KDM4A: variants seen among roughly 807,000 people sequenced by gnomAD.
KDM4A encodes the protein lysine demethylase 4A.
In KDM4A, 23 loss-of-function variants were observed where a neutral mutation model predicts 127.1. The ratio of observed to expected loss-of-function variants is 0.18; its 90% CI spans 0.13 to 0.26. The LOEUF is 0.26. KDM4A is among the 10% of genes least tolerant of loss of function. The pLI is 1.00. For missense variants in KDM4A, 890 were observed against 1,329.1 expected (o/e 0.67, Z 5.14); for synonymous variants, 443 against 466.5 (o/e 0.95, Z 0.65).
Position 43,662,775 on chromosome 1 carries a change from C to T in KDM4A, c.430-119C>T, listed in dbSNP as rs140746519. On this transcript the variant is annotated intron_variant, in intron 4 of 21. Coordinates refer to ENST00000372396, the MANE Select transcript of KDM4A (RefSeq NM_014663.3). ...GGTCTTCACGTCCATAGTGTTTTGA[C>T]ATTATTCCCAATGTTTGTCAGAGAT... is the stretch of plus-strand genomic sequence containing the variant. 102 of 829,172 alleles carry T rather than the reference C, an allele frequency of 1.2e-4. 1 individual carries two copies. The East Asian group carries it at 2.5e-3, about 21-fold the overall frequency. 51.4% of individuals were successfully genotyped at this position (829,172 alleles called of 1,614,324 possible).
rs2154048802 is a variant in KDM4A, at chr1:43,694,188, T to C, written c.2484+86T>C. 2 of 1,071,280 alleles carry C rather than the reference T, an allele frequency of 1.9e-6. No individual in the cohort carries two copies. The highest frequency in any genetic ancestry group is 2.2e-5 in the Admixed American group (1 of 45,064). 66.4% of individuals were successfully genotyped at this position (1,071,280 alleles called of 1,614,324 possible). On this transcript the variant is annotated intron_variant, in intron 17 of 21. Coordinates refer to ENST00000372396, the MANE Select transcript of KDM4A (RefSeq NM_014663.3). The surrounding 1 kb of genome is among the most constrained non-coding windows in gnomAD (Gnocchi z 5.2). ...AGGGACCTCCTGTACCCCTTGGTTT[T>C]GGTTAGAGTTTGTGATTCTCACTCT...
chr1:43,675,525 C>G (rs756518873), intron 11 of KDM4A, among the ~76,000 whole-genome samples: 2 of 152,172 alleles, frequency 1.3e-5, no homozygotes, highest in African/African-American at 2.4e-5. Context: ...GTTCTAAATG[C>G]TCATGATAAC....
chr1:43,692,410 G>A, intron 16 of KDM4A, 99 bp downstream of exon 16: 1 of 1,042,840 alleles, frequency 9.6e-7, no homozygotes, highest in Middle Eastern at 3.0e-4. Flanking sequence ...TGACTGATGA[G>A]GATTTGGGAA....
At chr1:43,685,764 TCAACAA>T (rs150623615) in intron 12 of KDM4A, among the ~76,000 whole-genome samples, 1 of 151,116 alleles carries the variant, frequency 6.6e-6, no homozygotes, top group South Asian at 2.1e-4. Flanking sequence ...AGTCTCTGTC[TCAACAA>T]CAACAACAAC....
At chr1:43,663,151 C>T (rs957365172) in intron 5 of KDM4A, 64 bp downstream of exon 5, 84 of 1,424,502 alleles carry the variant, frequency 5.9e-5, no homozygotes, top group African/African-American at 3.4e-4. Flanking sequence ...GTTCATTGTG[C>T]GTGGGAAGCA....
At chr1:43,685,126 C>T (rs1660942415) in intron 12 of KDM4A, among the ~76,000 whole-genome samples, 1 of 151,916 alleles carries the variant, frequency 6.6e-6, no homozygotes, top group African/African-American at 2.4e-5. Flanking sequence ...TGAGCAGACG[C>T]TGGGGCTAGG....
At chr1:43,690,369 T>A (rs1661080142) in intron 13 of KDM4A, among the ~76,000 whole-genome samples, 1 of 152,068 alleles carries the variant, frequency 6.6e-6, no homozygotes, top group Non-Finnish European at 1.5e-5. Context: ...TTGCCCAGGC[T>A]GGAGTGCAGC....
At chr1:43,669,805 T>C (rs532738913) in intron 10 of KDM4A, among the ~76,000 whole-genome samples, 59 of 152,216 alleles carry the variant, frequency 3.9e-4, no homozygotes, top group African/African-American at 1.4e-3. Context: ...CCTGCCACCA[T>C]GCCTGGCTAA....
chr1:43,652,963 C>T (rs1479287139), intron 1 of KDM4A, among the ~76,000 whole-genome samples, 174 bp from the exon 2 acceptor site: 1 of 152,168 alleles, frequency 6.6e-6, no homozygotes, highest in African/African-American at 2.4e-5. Context: ...GGATTACAGG[C>T]GTGAGCCACC....
In KDM4A at chr1:43,663,076, A is replaced by G. The variant is rs1660420743; in HGVS notation, c.612A>G (p.Glu204=). 1 of 1,613,246 alleles carries G rather than the reference A, an allele frequency of 6.2e-7. No individual in the cohort carries two copies. Among genetic ancestry groups the G allele is most frequent in the Admixed American group, 1.7e-5 (1 of 59,896 alleles). The part of the protein sequence containing the change: ...LYSINYLHFG[E]PKSWYSVPPE... ...GCATCAACTACCTGCACTTTGGAGA[A>G]CCAAAGTCCTGGTACAGTCTGCCTG... Residue 204 remains glutamate, a synonymous_variant, in exon 5 of 22, where the codon GAA becomes GAG. Coordinates refer to ENST00000372396, the MANE Select transcript of KDM4A (RefSeq NM_014663.3).
intron 11 of KDM4A, among the ~76,000 whole-genome samples, chr1:43,673,295 C>A (rs1390037081): frequency 1.3e-5 from 2 of 152,104 alleles, no homozygotes; most frequent in African/African-American, 4.8e-5. Flanking sequence ...TATTCCCTTA[C>A]CTTTAGTTTT....
rs562377179 is a variant in KDM4A, at chr1:43,701,079, C to T, written c.2842-2538C>T. On this transcript the variant is annotated intron_variant, in intron 19 of 21. Coordinates refer to ENST00000372396, the MANE Select transcript of KDM4A (RefSeq NM_014663.3). ...CTGCGACTACAGGTGCACGCCACCA[C>T]GCCCAACTAATTTTTGTATTTTTAG... is the stretch of plus-strand genomic sequence containing the variant. Among the ~76,000 whole-genome samples the T allele has an allele frequency of 3.3e-4, 50 of 152,100 alleles. No individual in the cohort carries two copies. The South Asian group carries it at 7.5e-3, about 23-fold the overall frequency.
At chr1:43,668,063 G>A in intron 9 of KDM4A, 44 bp downstream of exon 9, 1 of 1,608,816 alleles carries the variant, frequency 6.2e-7, no homozygotes, top group Non-Finnish European at 8.5e-7. Flanking sequence ...AGGGAGGGAT[G>A]TCTGGGTAGG....
intron 3 of KDM4A, 34 bp from the exon 4 acceptor site, chr1:43,660,264 A>G (rs751257186): frequency 2.5e-6 from 4 of 1,601,796 alleles, no homozygotes. Flanking sequence ...AACCCCTGTA[A>G]GTGGTTTACA....
rs1237648986 is a variant in KDM4A at position 43,694,502 on chromosome 1, C to T, written c.2485-207C>T. ...CTGCACTCCAGCCTGGGTGACAGAG[C>T]AAGACTCCGTCTCAAAAAAAAAAAA... On this transcript the variant is annotated intron_variant, in intron 17 of 21. Coordinates refer to ENST00000372396, the MANE Select transcript of KDM4A (RefSeq NM_014663.3). This position sits in a 1 kb window ranked among gnomAD's most constrained non-coding sequence, Gnocchi z 5.2. Among the ~76,000 whole-genome samples the T allele has an allele frequency of 7.1e-6, 1 of 141,776 alleles. No homozygotes were observed. The highest frequency in any genetic ancestry group is 1.5e-5 in the Non-Finnish European group (1 of 66,100). The allele number at this position is 141,776 out of a possible 152,430, so 93.0% of individuals were successfully genotyped here. A position where few individuals can be genotyped will look rare whatever the true frequency, so the allele number is the denominator to read the frequency against.
rs572561467 is a variant in KDM4A at position 43,689,580 on chromosome 1, G to C, written c.2037+485G>C. Among the ~76,000 whole-genome samples, 4 of 152,356 alleles carry C rather than the reference G, an allele frequency of 2.6e-5. No individual in the cohort carries two copies. The East Asian group carries it at 7.7e-4, about 29-fold the overall frequency. The stretch of plus-strand genomic sequence containing the variant: ...GTGGAAGCAAGGGCCTGATATGTGA[G>C]GAGGGGCTGGGAAGCAAGATTGCTG... On this transcript the variant is annotated intron_variant, in intron 13 of 21. Coordinates refer to ENST00000372396, the MANE Select transcript of KDM4A (RefSeq NM_014663.3).
At position 43,694,424 on chromosome 1, in the gene KDM4A, G is replaced by A. The variant is rs983975135; in HGVS notation, c.2485-285G>A. Among the ~76,000 whole-genome samples, 2 of 151,810 alleles carry A rather than the reference G, an allele frequency of 1.3e-5. No homozygotes were observed. The highest frequency in any genetic ancestry group is 4.1e-4 in the South Asian group (2 of 4,820). ...CCAGCTCCTCGGGAATCTGAGGCAG[G>A]AGAATCACTTGAACCCGGGAGGCGG... On this transcript the variant is annotated intron_variant, in intron 17 of 21. Transcript: ENST00000372396. This position sits in a 1 kb window ranked among gnomAD's most constrained non-coding sequence, Gnocchi z 5.2.
chr1:43,660,171 C>A, intron 3 of KDM4A, 127 bp from the exon 4 acceptor site: 1 of 1,055,774 alleles, frequency 9.5e-7, no homozygotes, highest in Non-Finnish European at 1.4e-6. Context: ...GCCTTGAAGG[C>A]CAAGATTATG....
chr1:43,689,222 GC>G, intron 13 of KDM4A, 127 bp downstream of exon 13: 1 of 922,700 alleles, frequency 1.1e-6, no homozygotes, highest in Non-Finnish European at 1.7e-6. Context: ...AGCATTCTCT[GC>G]CCCATCTGTG....
Sources: allele counts gnomAD v4.1 joint callset (sites outside exome capture counted in the v4.1 genomes callset), GRCh38; gene constraint gnomAD v4.1.1; non-coding constraint Gnocchi (gnomAD v3.1); transcripts MANE v1.5; gene names NCBI Gene and HGNC (gene_info 2026-07-23, HGNC 2026-07-21).